PCLO: variants seen among roughly 807,000 people sequenced by gnomAD.
The protein encoded by PCLO is protein piccolo.
PCLO carries 82 observed loss-of-function variants against 427.5 expected under a neutral mutation model. That is an observed-to-expected ratio of 0.19 (90% CI 0.16 to 0.23). PCLO has a LOEUF of 0.23. Ranked by LOEUF, PCLO falls within the 10% of genes least tolerant of loss-of-function variation. The pLI, the probability that PCLO is intolerant of heterozygous loss-of-function variation, is 1.00. For missense variants in PCLO, 6,239 were observed against 6,115.9 expected, an observed-to-expected ratio of 1.02 and a Z score of -0.67; for synonymous variants, 2,357 against 2,155.4, an observed-to-expected ratio of 1.09 and a Z score of -2.59.
intron 13 of PCLO, among the ~76,000 whole-genome samples, chr7:82,843,665 A>T (rs1220053464): frequency 5.2e-5 from 7 of 135,802 alleles, no homozygotes; most frequent in Non-Finnish European, 9.4e-5. Flanking sequence ...CAACGTATTC[A>T]TTTTTTTTTT....
At position 82,916,292 on chromosome 7, in the gene PCLO, T is replaced by G. The variant is rs760848551; in HGVS notation, c.11694A>C (p.Gln3898His). The G allele has an allele frequency of 1.2e-6, 2 of 1,613,448 alleles. No homozygotes were observed. Among genetic ancestry groups the G allele is most frequent in the Admixed American group, 1.7e-5 (1 of 59,944 alleles). ...ACTGTTGAGTGTATGAGGTGGGTGCTTGGGTAGGAAGAGCAGGGGAAGAGT... is the reference window on the plus strand; with the variant it reads ...ACTGTTGAGTGTATGAGGTGGGTGCGTGGGTAGGAAGAGCAGGGGAAGAGT... Reference protein sequence around the residue: ...YQYSSPALPTQAPTSYTQQSH... With the variant: ...YQYSSPALPTHAPTSYTQQSH... Residue 3898 changes from glutamine (Q) to histidine (H), a missense_variant, in exon 7 of 25, where the codon CAA (glutamine) becomes CAC (histidine). By Grantham distance (24) the Gln-to-His change is conservative (BLOSUM62 0). Transcript: ENST00000333891.
In PCLO at chr7:82,951,050, A is replaced by G. The variant is rs1322552722; in HGVS notation, c.9538T>C (p.Ser3180Pro). 1.9e-6 allele frequency: 3 copies of G among 1,613,780 alleles called. No homozygotes were observed. The highest frequency in any genetic ancestry group is 2.5e-6 in the Non-Finnish European group (3 of 1,179,856). ...MESLTAETIDSVPTLTTASEV... is the reference protein window; with the variant it reads ...MESLTAETIDPVPTLTTASEV... ...GATGCTGTGGTTAAAGTGGGAACAGAGTCTATCGTCTCAGCAGTAAGAGAC... is the reference window on the plus strand; with the variant it reads ...GATGCTGTGGTTAAAGTGGGAACAGGGTCTATCGTCTCAGCAGTAAGAGAC... The change falls in exon 6 of 25, where the codon TCT becomes CCT. Residue 3180 changes from serine (S) to proline (P), a missense_variant. Transcript: ENST00000333891.
At chr7:82,969,038 G>C (rs1795845623) in intron 3 of PCLO, among the ~76,000 whole-genome samples, 1 of 152,082 alleles carries the variant, frequency 6.6e-6, no homozygotes, top group African/African-American at 2.4e-5. Flanking sequence ...TATTCTATCT[G>C]AGATGTTGGG....
At chr7:83,033,805 C>CA (rs2116160767) in intron 3 of PCLO, among the ~76,000 whole-genome samples, 1 of 152,224 alleles carries the variant, frequency 6.6e-6, no homozygotes, top group South Asian at 2.1e-4. Flanking sequence ...ATTTGGTAGA[C>CA]ATGTTTCTCA....
At position 83,134,857 on chromosome 7, in the gene PCLO, G is replaced by A. The variant is rs1791676976; in HGVS notation, c.2693C>T (p.Pro898Leu). ...TVPTPQQSPK[P>L]QEQSRRFSLN... ...ACTGAAACGCCTTGACTGCTCCTGAGGCTTTGGGGACTGTTGAGGTGTGGG... is the reference window on the plus strand; with the variant it reads ...ACTGAAACGCCTTGACTGCTCCTGAAGCTTTGGGGACTGTTGAGGTGTGGG... The change falls in exon 3 of 25, where the codon CCT becomes CTT. Residue 898 changes from proline to leucine, a missense_variant. Pro to Leu is a moderately conservative substitution (Grantham distance 98, BLOSUM62 -3). Transcript: ENST00000333891. 4 of 1,609,896 alleles carry A rather than the reference G, an allele frequency of 2.5e-6. No individual in the cohort carries two copies. The highest frequency in any genetic ancestry group is 2.2e-5 in the East Asian group (1 of 44,826).
rs2116686620 is a variant in PCLO, at chr7:83,155,105, T to C, written c.1536A>G (p.Gln512=). 6.5e-7 allele frequency: 1 copy of C among 1,543,088 alleles called. No homozygotes were observed. Among genetic ancestry groups the C allele is most frequent in the Non-Finnish European group, 8.8e-7 (1 of 1,135,174 alleles). ...GTGAGGGCTTTGCTGGGCCAGGCTG[T>C]TGAGGTGGGGGTTTTGTTGAGCCAG... ...QQPGSTKPPP[Q]QPGPAKPSPQ... The change falls in exon 2 of 25, where the codon CAA becomes CAG. Residue 512 remains glutamine, a synonymous_variant. Coordinates refer to ENST00000333891, the MANE Select transcript of PCLO (RefSeq NM_033026.6).
chr7:83,075,551 C>G (rs974529177), intron 3 of PCLO, among the ~76,000 whole-genome samples: 1 of 152,002 alleles, frequency 6.6e-6, no homozygotes, highest in Non-Finnish European at 1.5e-5. Context: ...TGTTTCTGTC[C>G]AAACTAAATT....
chr7:83,085,383 T>A (rs115919663), intron 3 of PCLO, among the ~76,000 whole-genome samples: 3,204 of 152,242 alleles, frequency 0.021, 123 homozygotes, highest in African/African-American at 0.073. Context: ...ATTTTACAGA[T>A]GAGAAAACTG....
At chr7:82,870,965 C>T (rs1793219833) in intron 10 of PCLO, among the ~76,000 whole-genome samples, 1 of 151,804 alleles carries the variant, frequency 6.6e-6, no homozygotes, top group African/African-American at 2.4e-5. Context: ...ATAGCAGATG[C>T]TGGCAAAGAC....
At chr7:82,843,848 T>C (rs146871875) in intron 13 of PCLO, among the ~76,000 whole-genome samples, 2,782 of 151,696 alleles carry the variant, frequency 0.018, 86 homozygotes, top group African/African-American at 0.064. Context: ...TATTTTTTGG[T>C]AGAGATGGGG....
chr7:82,830,108 T>C (rs1792056053), intron 16 of PCLO, among the ~76,000 whole-genome samples: 1 of 151,476 alleles, frequency 6.6e-6, no homozygotes, highest in Admixed American at 6.6e-5. Flanking sequence ...ATTTAGTGAG[T>C]TTTTTAATGG....
intron 3 of PCLO, among the ~76,000 whole-genome samples, chr7:82,974,689 T>A (rs966997244): frequency 6.6e-6 from 1 of 152,200 alleles, no homozygotes. Context: ...ATATATCATT[T>A]ATGTTTTATG....
chr7:82,794,450 A>ATTTTTTTTCTGTTTT (rs1791173532), intron 22 of PCLO, among the ~76,000 whole-genome samples: 1 of 62,030 alleles, frequency 1.6e-5, no homozygotes. Flanking sequence ...TAGTTCATAA[A>ATTTTTTTTCTGTTTT]TTTTTTTTCT....
intron 3 of PCLO, among the ~76,000 whole-genome samples, chr7:82,992,486 C>T (rs1796399809): frequency 6.6e-6 from 1 of 152,106 alleles, no homozygotes; most frequent in African/African-American, 2.4e-5. Context: ...ACTAGACAGA[C>T]AAGCCTGGGT....
At chr7:82,776,382 C>G (rs1790749911) in intron 22 of PCLO, among the ~76,000 whole-genome samples, 1 of 152,102 alleles carries the variant, frequency 6.6e-6, no homozygotes, top group Admixed American at 6.6e-5. Flanking sequence ...CACTTGATGT[C>G]AGGAGTTCCA....
intron 4 of PCLO, among the ~76,000 whole-genome samples, chr7:82,963,424 C>T (rs570297063): frequency 2.6e-5 from 4 of 151,526 alleles, no homozygotes; most frequent in African/African-American, 9.7e-5. Flanking sequence ...ATTGCCAATT[C>T]TTTTTTTCAT....
chr7:83,121,023 T>A (rs770014523), intron 3 of PCLO, among the ~76,000 whole-genome samples: 1 of 151,950 alleles, frequency 6.6e-6, no homozygotes, highest in Non-Finnish European at 1.5e-5. Flanking sequence ...CTATAAAAAC[T>A]TTTGTATCCC....
chr7:83,080,647 T>C (rs1428505056), intron 3 of PCLO, among the ~76,000 whole-genome samples: 1 of 152,132 alleles, frequency 6.6e-6, no homozygotes, highest in Non-Finnish European at 1.5e-5. Context: ...CTTACTTTTA[T>C]GCCAGTTTTA....
chr7:82,834,334 T>G (rs1366949250), intron 16 of PCLO, among the ~76,000 whole-genome samples: 4 of 152,166 alleles, frequency 2.6e-5, no homozygotes, highest in Non-Finnish European at 5.9e-5. Flanking sequence ...TGTTCTGTGA[T>G]GAGAGAACCA....
Sources: allele counts gnomAD v4.1 joint callset (sites outside exome capture counted in the v4.1 genomes callset), GRCh38; gene constraint gnomAD v4.1.1; transcripts MANE v1.5; gene names NCBI Gene and HGNC (gene_info 2026-07-23, HGNC 2026-07-21).